FTCDNL1: variants seen among roughly 807,000 people sequenced by gnomAD.
The protein encoded by FTCDNL1 is formiminotransferase cyclodeaminase N-terminal like.
FTCDNL1 carries 11 observed loss-of-function variants against 5.9 expected under a neutral mutation model. That is an observed-to-expected ratio of 1.87 (90% CI 1.18 to 3.10). The LOEUF is 3.10. FTCDNL1 is among the 30% of genes most tolerant of loss of function. The pLI, the probability that FTCDNL1 is intolerant of heterozygous loss-of-function variation, is 0.00. For synonymous variants in FTCDNL1, 58 were observed against 24.8 expected (o/e 2.34, Z -3.99); for missense variants, 115 against 65.5 (o/e 1.76, Z -2.61).
downstream of FTCDNL1, among the ~76,000 whole-genome samples, chr2:199,808,134 T>C (rs1700831353): frequency 6.6e-6 from 1 of 152,182 alleles, no homozygotes; most frequent in Admixed American, 6.5e-5. Flanking sequence ...CCTTCCACCA[T>C]GACTGTAAGT....
the FTCDNL1 span, among the ~76,000 whole-genome samples, chr2:199,678,216 A>G: frequency 7.2e-5 from 11 of 152,344 alleles, no homozygotes; most frequent in East Asian, 1.3e-3. Flanking sequence ...AGAGAGGACA[A>G]TAAAAGAGGT....
At chr2:199,838,546 C>T (rs980348793) in intron 3 of FTCDNL1, among the ~76,000 whole-genome samples, 3 of 152,140 alleles carry the variant, frequency 2.0e-5, no homozygotes, top group South Asian at 2.1e-4. Flanking sequence ...GGATGTGATT[C>T]GGCAGACTCA....
the FTCDNL1 span, among the ~76,000 whole-genome samples, chr2:199,753,660 C>A: frequency 6.6e-6 from 1 of 152,206 alleles, no homozygotes; most frequent in South Asian, 2.1e-4. Context: ...AAAAGGGACA[C>A]CTGCACTTAC....
chr2:199,726,708 A>C, the FTCDNL1 span, among the ~76,000 whole-genome samples: 6 of 152,106 alleles, frequency 3.9e-5, no homozygotes, highest in African/African-American at 1.4e-4. Flanking sequence ...GAGCCTATTC[A>C]CCTGGGCCCC....
intron 3 of FTCDNL1, among the ~76,000 whole-genome samples, chr2:199,766,001 A>G (rs372270860): frequency 1.6e-4 from 25 of 152,212 alleles, no homozygotes; most frequent in East Asian, 7.7e-4. Context: ...TCTTAGTGGC[A>G]ATAAGTCTTT....
At chr2:199,844,941 G>C (rs2076690289) in intron 3 of FTCDNL1, among the ~76,000 whole-genome samples, 1 of 151,418 alleles carries the variant, frequency 6.6e-6, no homozygotes, top group Non-Finnish European at 1.5e-5. Context: ...TTTAGAGACT[G>C]AGTCTTGCTA....
chr2:199,765,304 T>TG (rs1445186542), intron 3 of FTCDNL1, among the ~76,000 whole-genome samples: 2 of 151,626 alleles, frequency 1.3e-5, no homozygotes, highest in Non-Finnish European at 2.9e-5. Context: ...TACCACTCTG[T>TG]GGGGGGAATG....
chr2:199,688,583 A>T, the FTCDNL1 span, among the ~76,000 whole-genome samples: 1 of 152,184 alleles, frequency 6.6e-6, no homozygotes, highest in Non-Finnish European at 1.5e-5. Context: ...AAAAGTGGAC[A>T]AGGCTGTTCC....
the FTCDNL1 span, among the ~76,000 whole-genome samples, chr2:199,752,368 C>T: frequency 6.6e-5 from 10 of 152,242 alleles, no homozygotes; most frequent in Non-Finnish European, 1.2e-4. Context: ...TATGAGTCCA[C>T]TTGGCTTGGC....
At chr2:199,743,947 C>G in the FTCDNL1 span, among the ~76,000 whole-genome samples, 1 of 152,172 alleles carries the variant, frequency 6.6e-6, no homozygotes. Flanking sequence ...TAGGCTGGCT[C>G]TCTTCCTACT....
At chr2:199,676,745 T>C in the FTCDNL1 span, among the ~76,000 whole-genome samples, 2 of 152,286 alleles carry the variant, frequency 1.3e-5, no homozygotes, top group South Asian at 4.1e-4. Flanking sequence ...TATATCATTA[T>C]TGCAATTGAG....
At chr2:199,713,795 C>T in the FTCDNL1 span, among the ~76,000 whole-genome samples, 1 of 152,206 alleles carries the variant, frequency 6.6e-6, no homozygotes, top group Non-Finnish European at 1.5e-5. Flanking sequence ...GAACAATATG[C>T]CTTTCTTCTA....
intron 3 of FTCDNL1, among the ~76,000 whole-genome samples, chr2:199,839,212 G>T (rs1441013923): frequency 6.6e-6 from 1 of 152,084 alleles, no homozygotes; most frequent in African/African-American, 2.4e-5. Context: ...CAAGGTGAGG[G>T]GAGATTATAC....
At position 199,773,068 on chromosome 2, in the gene FTCDNL1, C is replaced by T. The variant is rs77214794; in HGVS notation, c.212-12233G>A. Among the ~76,000 whole-genome samples the T allele has an allele frequency of 3.4e-4, 51 of 152,222 alleles. 1 individual carries two copies. In the East Asian group the frequency reaches 8.9e-3, roughly 27 times the overall value. On this transcript the variant is annotated intron_variant, in intron 3 of 3. Coordinates refer to the FTCDNL1 transcript ENST00000416668. ...TTAATTTAATGGGGATATGATGAGG[C>T]TCACTACCCCTGTAAGGCTGGTATT... is the stretch of plus-strand genomic sequence containing the variant.
At chr2:199,712,337 T>G in the FTCDNL1 span, among the ~76,000 whole-genome samples, 3 of 152,316 alleles carry the variant, frequency 2.0e-5, no homozygotes, top group African/African-American at 7.2e-5. Flanking sequence ...TAAATAGACA[T>G]TAACTTCAAC....
At chr2:199,776,658 C>CTAAG (rs1476358523) in intron 3 of FTCDNL1, among the ~76,000 whole-genome samples, 1 of 152,134 alleles carries the variant, frequency 6.6e-6, no homozygotes. Flanking sequence ...TATGCTAAAA[C>CTAAG]TAAGGTGTGG....
At chr2:199,825,928 G>C (rs1702001684) in intron 3 of FTCDNL1, among the ~76,000 whole-genome samples, 1 of 152,188 alleles carries the variant, frequency 6.6e-6, no homozygotes, top group Admixed American at 6.5e-5. Flanking sequence ...ATTTAGGAAA[G>C]GTTAGAACTA....
the FTCDNL1 span, among the ~76,000 whole-genome samples, chr2:199,736,801 A>G: frequency 6.6e-6 from 1 of 152,240 alleles, no homozygotes; most frequent in Non-Finnish European, 1.5e-5. Flanking sequence ...CCATACACTG[A>G]GTTCAGGCAC....
chr2:199,766,738 C>G (rs1015808034), intron 3 of FTCDNL1, among the ~76,000 whole-genome samples: 1 of 152,094 alleles, frequency 6.6e-6, no homozygotes, highest in African/African-American at 2.4e-5. Context: ...GATGTGACTG[C>G]TATGTATGCA....
Sources: gnomAD v4.1 joint callset for allele counts (sites outside exome capture counted in the v4.1 genomes callset) on GRCh38, gnomAD v4.1.1 for gene constraint, MANE v1.5 for transcripts, NCBI Gene and HGNC (gene_info 2026-07-23, HGNC 2026-07-21) for gene names.